The following ACAT2 variants were observed in gnomAD, a reference collection of about 807,000 sequenced individuals.
ACAT2 encodes acetyl-CoA acetyltransferase 2, also known as acetyl-CoA acetyltransferase, cytosolic.
A neutral mutation model predicts 37.1 loss-of-function variants in ACAT2; 26 were observed. The ratio of observed to expected loss-of-function variants is 0.70; its 90% CI spans 0.51 to 0.97. ACAT2 has a LOEUF of 0.97. ACAT2 is among the 50% of genes least tolerant of loss of function. The pLI, the probability that ACAT2 is intolerant of heterozygous loss-of-function variation, is 0.00. For missense variants in ACAT2, 468 were observed against 489.0 expected (o/e 0.96, Z 0.40); for synonymous variants, 156 against 163.6 (o/e 0.95, Z 0.35).
At chr6:159,762,829 A>G (rs767339913) in intron 1 of ACAT2, 90 bp from the exon 2 acceptor site, 46 of 1,596,860 alleles carry the variant, frequency 2.9e-5, no homozygotes, top group Middle Eastern at 1.7e-4. Flanking sequence ...TGGCCTTGCC[A>G]AACAGGGTCA....
At chr6:159,778,327 A>G in intron 8 of ACAT2, 47 bp downstream of exon 8, 1 of 1,363,786 alleles carries the variant, frequency 7.3e-7, no homozygotes, top group Non-Finnish European at 1.0e-6. Context: ...GAATTTCACA[A>G]TCCAATTTTA....
chr6:159,775,205 G>A lies in ACAT2; in HGVS notation c.526G>A (p.Glu176Lys), dbSNP rs371307389. Residue 176 changes from glutamate (E) to lysine (K), a missense_variant, in exon 5 of 9, where the codon GAA becomes AAA. Coordinates refer to ENST00000367048, the MANE Select transcript of ACAT2 (RefSeq NM_005891.3). ...AGCCAAAAAATGGCAAGTGAGTAGA[G>A]AAGATCAGGACAAGGTTGCAGTTCT... ...NVAKKWQVSR[E>K]DQDKVAVLSQ... 104 of 1,613,976 alleles carry A rather than the reference G, an allele frequency of 6.4e-5. No individual in the cohort carries two copies. The Middle Eastern group carries it at 1.2e-3, about 18-fold the overall frequency.
intron 3 of ACAT2, 71 bp from the exon 4 acceptor site, chr6:159,768,440 T>G: frequency 8.9e-7 from 1 of 1,123,014 alleles, no homozygotes. Context: ...TACTAGATAG[T>G]TTTGAGTTGT....
Position 159,778,695 on chromosome 6 carries a change from C to T in ACAT2, c.1060C>T (p.Pro354Ser). ...AGGAGGGGCTATAGCCTTGGGCCACCCTCTTGGAGCATCTGGCTGTCGAAT... is the reference window on the plus strand; with the variant it reads ...AGGAGGGGCTATAGCCTTGGGCCACTCTCTTGGAGCATCTGGCTGTCGAAT... ...IEGGAIALGH[P>S]LGASGCRILV... Residue 354 changes from proline (P) to serine (S), a missense_variant, in exon 9 of 9, where the codon CCT (proline) becomes TCT (serine). Coordinates refer to ENST00000367048, the MANE Select transcript of ACAT2 (RefSeq NM_005891.3). 1 of 1,614,210 alleles carries T rather than the reference C, an allele frequency of 6.2e-7. No individual in the cohort carries two copies. The highest frequency in any genetic ancestry group is 8.5e-7 in the Non-Finnish European group (1 of 1,180,038).
At position 159,778,648 on chromosome 6, in the gene ACAT2, T is replaced by TC. The variant is rs1208825461; in HGVS notation, c.1024-6dup. 1.2e-6 allele frequency: 2 copies of TC among 1,612,344 alleles called. No individual in the cohort carries two copies. Among genetic ancestry groups the TC allele is most frequent in the Non-Finnish European group, 8.5e-7 (1 of 1,178,950 alleles). On this transcript the variant is annotated splice_polypyrimidine_tract_variant and intron_variant, in intron 8 of 8. Coordinates refer to ENST00000367048, the MANE Select transcript of ACAT2 (RefSeq NM_005891.3). The stretch of plus-strand genomic sequence containing the variant: ...AAGAATAAACAATCTAAATCTTTTC[T>TC]CCCCCGTTAGGTCAATATTGAAGGA...
At chr6:159,768,380 TA>T (rs1240012200) in intron 3 of ACAT2, 130 bp from the exon 4 acceptor site, 1 of 693,580 alleles carries the variant, frequency 1.4e-6, no homozygotes, top group African/African-American at 1.8e-5. Flanking sequence ...GCTGAGGACC[TA>T]GAACTGGGGA....
rs946839721 is a variant in ACAT2, at chr6:159,778,286, G to C, written c.1023+6G>C. 1 of 1,576,050 alleles carries C rather than the reference G, an allele frequency of 6.3e-7. No homozygotes were observed. Among genetic ancestry groups the C allele is most frequent in the African/African-American group, 1.4e-5 (1 of 73,750 alleles). ...TTGGATTAAACCCAGAGAAGGTAAA[G>C]ATGCACAAGTAACCCTGAGAGCTTA... On this transcript the variant is annotated splice_donor_region_variant and intron_variant, in intron 8 of 8. Transcript: ENST00000367048.
At chr6:159,764,594 G>C (rs981650591) in intron 2 of ACAT2, among the ~76,000 whole-genome samples, 1 of 152,046 alleles carries the variant, frequency 6.6e-6, no homozygotes, top group African/African-American at 2.4e-5. Flanking sequence ...ACAGGAGCAG[G>C]CCACCACACC....
chr6:159,767,069 A>G lies in ACAT2; in HGVS notation c.255A>G (p.Ala85=). ...VGAGIPYSVP[A]WSCQMICGSG... ...CAGGAATTCCCTACTCTGTTCCAGC[A>G]TGGAGCTGCCAGATGATCTGTGGGT... The change falls in exon 3 of 9, where the codon GCA becomes GCG. Residue 85 remains alanine (A), a synonymous_variant. Coordinates refer to ENST00000367048, the MANE Select transcript of ACAT2 (RefSeq NM_005891.3). The G allele has an allele frequency of 1.9e-6, 3 of 1,614,192 alleles. No homozygotes were observed. Among genetic ancestry groups the G allele is most frequent in the Non-Finnish European group, 1.7e-6 (2 of 1,179,998 alleles).
At chr6:159,765,459 C>T (rs1464303839) in intron 2 of ACAT2, among the ~76,000 whole-genome samples, 1 of 151,412 alleles carries the variant, frequency 6.6e-6, no homozygotes, top group Non-Finnish European at 1.5e-5. Context: ...GATGGAGTCT[C>T]ACTCTGTCGC....
intron 7 of ACAT2, among the ~76,000 whole-genome samples, chr6:159,777,699 G>A (rs927887117): frequency 1.3e-5 from 2 of 151,790 alleles, no homozygotes; most frequent in African/African-American, 2.4e-5. Context: ...CCATTACCTC[G>A]AACTACAGGT....
At chr6:159,765,729 C>T (rs1009091156) in intron 2 of ACAT2, among the ~76,000 whole-genome samples, 27 of 152,164 alleles carry the variant, frequency 1.8e-4, no homozygotes, top group Non-Finnish European at 2.9e-5. Flanking sequence ...AGCCACTGCT[C>T]ACAGCCTGAG....
chr6:159,769,304 C>A (rs1007037768), intron 4 of ACAT2, among the ~76,000 whole-genome samples: 1 of 152,156 alleles, frequency 6.6e-6, no homozygotes, highest in African/African-American at 2.4e-5. Context: ...GGCATCTTGA[C>A]CACTTCTCGA....
intron 2 of ACAT2, among the ~76,000 whole-genome samples, chr6:159,763,666 GTCTC>G (rs1780201446): frequency 1.0e-5 from 1 of 98,004 alleles, no homozygotes; most frequent in East Asian, 2.8e-4. Context: ...TTGAGACGGA[GTCTC>G]TCTCTGTGGC....
In ACAT2 at chr6:159,763,122, ACACT is replaced by A. The variant is rs1287249709; in HGVS notation, c.190+71_190+74del. On this transcript the variant is annotated intron_variant, in intron 2 of 8. Coordinates refer to ENST00000367048, the MANE Select transcript of ACAT2 (RefSeq NM_005891.3). ...AGCCCATAAACACACACACACACAC[ACACT>A]CTCACACACTCACACACTCTCTCAC... 9 of 1,515,882 alleles carry A rather than the reference ACACT, an allele frequency of 5.9e-6. No homozygotes were observed. The African/African-American group carries it at 7.0e-5, about 12-fold the overall frequency. 93.9% of individuals were successfully genotyped at this position (1,515,882 alleles called of 1,614,324 possible).
intron 7 of ACAT2, 143 bp downstream of exon 7, chr6:159,777,599 C>G (rs1780446930): frequency 1.9e-6 from 2 of 1,064,352 alleles, no homozygotes; most frequent in African/African-American, 1.6e-5. Context: ...AGGTCTTGCT[C>G]TGTTGTCCAG....
At chr6:159,769,542 G>T (rs1440323991) in intron 4 of ACAT2, among the ~76,000 whole-genome samples, 1 of 152,190 alleles carries the variant, frequency 6.6e-6, no homozygotes, top group Non-Finnish European at 1.5e-5. Context: ...AGGTCATGAT[G>T]GAGTAATTGA....
chr6:159,775,094 CA>C (rs990120457), intron 4 of ACAT2, 75 bp from the exon 5 acceptor site: 1 of 1,528,820 alleles, frequency 6.5e-7, no homozygotes, highest in African/African-American at 1.4e-5. Flanking sequence ...AGTGCTTGGT[CA>C]AATGTGGACG....
Position 159,777,249 on chromosome 6 carries a change from A to G in ACAT2, c.758-53A>G, listed in dbSNP as rs993642967. On this transcript the variant is annotated intron_variant, in intron 6 of 8. Coordinates refer to ENST00000367048, the MANE Select transcript of ACAT2 (RefSeq NM_005891.3). ...TTCAGGTGGTAAAGAAGCCACAGAT[A>G]TGTAACTGAGGTTAATAAGCATGGT... 1.0e-5 allele frequency: 16 copies of G among 1,570,440 alleles called. No individual in the cohort carries two copies. In the African/African-American group the frequency reaches 1.9e-4, roughly 19 times the overall value.
Sources: allele counts gnomAD v4.1 joint callset (sites outside exome capture counted in the v4.1 genomes callset), GRCh38; gene constraint gnomAD v4.1.1; transcripts MANE v1.5; gene names NCBI Gene and HGNC (gene_info 2026-07-23, HGNC 2026-07-21).